Variants in DCAF8L2 observed in about 807,000 individuals in gnomAD.
DCAF8L2 encodes DDB1- and CUL4-associated factor 8-like protein 2.
For synonymous variants in DCAF8L2, 200 were observed against 190.9 expected, an observed-to-expected ratio of 1.05 and a Z score of -0.39; for missense variants, 430 against 490.7, an observed-to-expected ratio of 0.88 and a Z score of 1.17.
chrX:27,512,441 T>TG, the DCAF8L2 span, among the ~76,000 whole-genome samples: 1 of 110,079 alleles, frequency 9.1e-6, no homozygotes, highest in Non-Finnish European at 1.9e-5. Context: ...CCCAGCACTT[T>TG]GGGGGGCCGA....
chrX:27,603,461 A>T lies in DCAF8L2; in HGVS notation c.-342+13021A>T, dbSNP rs1371560934. ...CTTTATTCTCCACTTATTCAACCAA[A>T]GTGAATTATTCATGGCCTGCATTAT... On this transcript the variant is annotated intron_variant, in intron 1 of 4. Transcript: ENST00000451261. Among the ~76,000 whole-genome samples, 3 of 111,749 alleles carry T rather than the reference A, an allele frequency of 2.7e-5. No individual in the cohort carries two copies. In the East Asian group the frequency reaches 8.4e-4, roughly 31 times the overall value.
intron 1 of DCAF8L2, among the ~76,000 whole-genome samples, chrX:27,609,869 T>C (rs185491785): frequency 9.0e-6 from 1 of 111,647 alleles, no homozygotes; most frequent in Admixed American, 9.6e-5. Context: ...CTGTATTTTG[T>C]CACCATTTCA....
At chrX:27,581,954 C>T in the DCAF8L2 span, among the ~76,000 whole-genome samples, 10 of 111,845 alleles carry the variant, frequency 8.9e-5, no homozygotes, top group African/African-American at 2.6e-4. Context: ...TTGGGAAAGA[C>T]GTGGGTTTAT....
the DCAF8L2 span, among the ~76,000 whole-genome samples, chrX:27,489,623 A>C: frequency 8.9e-6 from 1 of 111,954 alleles, no homozygotes; most frequent in South Asian, 3.7e-4. Context: ...CATGACCTTC[A>C]TGTCCATGTT....
chrX:27,535,985 G>A, the DCAF8L2 span, among the ~76,000 whole-genome samples: 4 of 111,356 alleles, frequency 3.6e-5, no homozygotes, highest in African/African-American at 1.3e-4. Flanking sequence ...TTTGCATTCT[G>A]TTCTGAGGGA....
At chrX:27,521,776 T>G in the DCAF8L2 span, among the ~76,000 whole-genome samples, 1 of 111,818 alleles carries the variant, frequency 8.9e-6, no homozygotes, top group Non-Finnish European at 1.9e-5. Flanking sequence ...ACTTTAGAAT[T>G]AGAAAATGCG....
the DCAF8L2 span, among the ~76,000 whole-genome samples, chrX:27,568,853 G>A: frequency 9.6e-6 from 1 of 104,506 alleles, no homozygotes; most frequent in African/African-American, 3.5e-5. Flanking sequence ...CCCGGTGTGT[G>A]ATGTTCCCCT....
the DCAF8L2 span, among the ~76,000 whole-genome samples, chrX:27,558,567 A>G: frequency 9.0e-6 from 1 of 111,197 alleles, no homozygotes; most frequent in Admixed American, 9.6e-5. Context: ...TGGGCATATA[A>G]AATATGCTGG....
chrX:27,511,315 T>A, the DCAF8L2 span, among the ~76,000 whole-genome samples: 1 of 111,253 alleles, frequency 9.0e-6, no homozygotes, highest in Non-Finnish European at 1.9e-5. Flanking sequence ...GATTTAATTA[T>A]CTCATCCTTG....
chrX:27,641,077 T>C (rs1046143643), intron 2 of DCAF8L2, among the ~76,000 whole-genome samples: 2 of 112,036 alleles, frequency 1.8e-5, no homozygotes, highest in East Asian at 5.6e-4. Flanking sequence ...TAACACAATC[T>C]TTTTATTATT....
At chrX:27,706,413 C>T (rs1455256382) in intron 3 of DCAF8L2, among the ~76,000 whole-genome samples, 1 of 110,434 alleles carries the variant, frequency 9.1e-6, no homozygotes, top group East Asian at 2.8e-4. Context: ...GGCAGTATGG[C>T]TATTTTAACA....
the DCAF8L2 span, among the ~76,000 whole-genome samples, chrX:27,575,167 C>A: frequency 9.0e-6 from 1 of 111,608 alleles, no homozygotes; most frequent in Non-Finnish European, 1.9e-5. Context: ...CCAAACTTGG[C>A]CTCATCCCTC....
At chrX:27,470,734 A>G in the DCAF8L2 span, among the ~76,000 whole-genome samples, 2 of 112,145 alleles carry the variant, frequency 1.8e-5, no homozygotes, top group Non-Finnish European at 3.8e-5. Context: ...TACATACAGT[A>G]ACATGTAAAA....
At chrX:27,499,419 A>G in the DCAF8L2 span, among the ~76,000 whole-genome samples, 1 of 111,847 alleles carries the variant, frequency 8.9e-6, no homozygotes, top group Non-Finnish European at 1.9e-5. Flanking sequence ...AAGTCAGGTT[A>G]TTTATTTTTT....
chrX:27,684,206 G>A (rs1930423297), intron 3 of DCAF8L2, among the ~76,000 whole-genome samples: 1 of 111,721 alleles, frequency 9.0e-6, no homozygotes, highest in Admixed American at 9.5e-5. Flanking sequence ...AGGAGAAGAA[G>A]TGACAGCAAA....
the DCAF8L2 span, among the ~76,000 whole-genome samples, chrX:27,529,150 AT>A: frequency 4.5e-5 from 5 of 111,719 alleles, no homozygotes; most frequent in Admixed American, 4.8e-4. Flanking sequence ...GTCAATTTAC[AT>A]TTGACATATA....
intron 4 of DCAF8L2, among the ~76,000 whole-genome samples, chrX:27,743,092 T>A (rs1327061136): frequency 8.9e-6 from 1 of 112,003 alleles, no homozygotes; most frequent in South Asian, 3.7e-4. Context: ...CATTTTATTT[T>A]ATTTTTTGAG....
chrX:27,700,793 A>G (rs751135586), intron 3 of DCAF8L2, among the ~76,000 whole-genome samples: 14 of 111,380 alleles, frequency 1.3e-4, no homozygotes, highest in Non-Finnish European at 2.1e-4. Flanking sequence ...CCACATTGCC[A>G]AACGTTCTGC....
the DCAF8L2 span, among the ~76,000 whole-genome samples, chrX:27,539,449 C>A: frequency 9.0e-6 from 1 of 111,279 alleles, no homozygotes; most frequent in African/African-American, 3.3e-5. Flanking sequence ...GAGGGAGAGA[C>A]AATCAATGGA....
Sources: gnomAD v4.1 joint callset for allele counts (sites outside exome capture counted in the v4.1 genomes callset) on GRCh38, gnomAD v4.1.1 for gene constraint, MANE v1.5 for transcripts, NCBI Gene and HGNC (gene_info 2026-07-23, HGNC 2026-07-21) for gene names.